The following COQ4 variants were observed in gnomAD, a reference collection of about 807,000 sequenced individuals.
COQ4 encodes ubiquinone biosynthesis protein COQ4 homolog, mitochondrial.
COQ4 carries 36 observed loss-of-function variants against 30.2 expected under a neutral mutation model. The ratio of observed to expected loss-of-function variants is 1.19; its 90% confidence interval spans 0.91 to 1.57. The LOEUF (loss-of-function observed/expected upper bound fraction) is 1.57. Ranked by LOEUF, COQ4 falls within the 40% of genes most tolerant of loss-of-function variation. The pLI is 0.00. For synonymous variants in COQ4, 197 were observed against 161.0 expected (o/e 1.22, Z -1.69); for missense variants, 369 against 371.9 (o/e 0.99, Z 0.07).
chr9:128,323,297 C>A, intron 2 of COQ4, 150 bp downstream of exon 2: 1 of 755,488 alleles, frequency 1.3e-6, no homozygotes, highest in Non-Finnish European at 2.0e-6. Flanking sequence ...CTGGATCCCA[C>A]CTAAACGCAC....
chr9:128,322,878 C>A lies in COQ4; in HGVS notation c.20C>A (p.Pro7His). Reference protein sequence around the residue: MATLLRPVLRRLCGLPG... With the variant: MATLLRHVLRRLCGLPG... ...GCTGCCATGGCGACTCTGCTGCGCCCTGTCCTCCGTCGGCTCTGCGGGCTC... is the reference window on the plus strand; with the variant it reads ...GCTGCCATGGCGACTCTGCTGCGCCATGTCCTCCGTCGGCTCTGCGGGCTC... Residue 7 changes from proline (P) to histidine (H), a missense_variant, in exon 1 of 7, where the codon CCT becomes CAT. Physicochemically the swap from Pro to His is moderately conservative, Grantham distance 77. Coordinates refer to ENST00000300452, the MANE Select transcript of COQ4 (RefSeq NM_016035.5). 1.9e-6 allele frequency: 3 copies of A among 1,584,020 alleles called. No individual in the cohort carries two copies. The highest frequency in any genetic ancestry group is 2.3e-5 in the East Asian group (1 of 43,614).
intron 4 of COQ4, 29 bp downstream of exon 4, chr9:128,325,910 A>G: frequency 6.3e-7 from 1 of 1,578,582 alleles, no homozygotes; most frequent in Non-Finnish European, 8.7e-7. Context: ...TGTATCTGGC[A>G]GTCACCAGAC....
At position 128,325,190 on chromosome 9, in the gene COQ4, G is replaced by A. The variant is rs781117602; in HGVS notation, c.250G>A (p.Val84Ile). The change falls in exon 3 of 7, where the codon GTC (valine) becomes ATC (isoleucine). Residue 84 changes from valine (V) to isoleucine (I), a missense_variant. By Grantham distance (29) the Val-to-Ile change is conservative. Coordinates refer to ENST00000300452, the MANE Select transcript of COQ4 (RefSeq NM_016035.5). ...GACCACAGGACACCGCACCCTGAAG[G>A]TCCTCAGGGACCAGATGAGGAGGGA... ...GETTGHRTLK[V>I]LRDQMRRDPE... is the part of the protein sequence containing the mutation. 8 of 1,614,042 alleles carry A rather than the reference G, an allele frequency of 5.0e-6. No homozygotes were observed. Among genetic ancestry groups the A allele is most frequent in the South Asian group, 1.1e-5 (1 of 91,084 alleles).
chr9:128,326,205 C>CA (rs1832318483), intron 4 of COQ4: 1 of 521,684 alleles, frequency 1.9e-6, no homozygotes, highest in African/African-American at 1.9e-5. Flanking sequence ...AACAGAGGCT[C>CA]AGAGCAGTGA....
At chr9:128,325,260 G>A in intron 3 of COQ4, 21 bp downstream of exon 3, 1 of 1,533,534 alleles carries the variant, frequency 6.5e-7, no homozygotes, top group Non-Finnish European at 9.0e-7. Context: ...GCTCTGCCTG[G>A]GGGTCTGGGG....
chr9:128,332,600 T>C (rs1233266839), intron 5 of COQ4: 1 of 586,358 alleles, frequency 1.7e-6, no homozygotes, highest in African/African-American at 1.9e-5. Context: ...TAGCCTGGCT[T>C]ATGGGGTCAT....
At chr9:128,333,412 C>G (rs1183066617) in intron 6 of COQ4, 62 bp from the exon 7 acceptor site, 13 of 1,399,242 alleles carry the variant, frequency 9.3e-6, no homozygotes, top group East Asian at 2.5e-5. Context: ...GCACAAGTGC[C>G]GAGCAGTCGA....
rs1479640220 is a variant in COQ4 at position 128,325,251 on chromosome 9, C to T, written c.299+12C>T. On this transcript the variant is annotated intron_variant, in intron 3 of 6. Transcript: ENST00000300452. ...GCCCAGATCCTGCAGTAGGTCCCAGCTCTGCCTGGGGGTCTGGGGGCATTC... is the reference window on the plus strand; with the variant it reads ...GCCCAGATCCTGCAGTAGGTCCCAGTTCTGCCTGGGGGTCTGGGGGCATTC... The T allele has an allele frequency of 1.3e-6, 2 of 1,588,034 alleles. No individual in the cohort carries two copies. Among genetic ancestry groups the T allele is most frequent in the East Asian group, 2.2e-5 (1 of 44,718 alleles).
rs200203275 is a variant in COQ4, at chr9:128,333,627, C to T, written c.780C>T (p.His260=). 7.4e-5 allele frequency: 116 copies of T among 1,574,608 alleles called. No individual in the cohort carries two copies. The highest frequency in any genetic ancestry group is 3.5e-4 in the East Asian group (15 of 43,172). Residue 260 remains histidine, a synonymous_variant, in exon 7 of 7, where the codon CAC becomes CAT. Transcript: ENST00000300452. ...TGGGCATTACAGCACCACCCATGCA[C>T]GTCCAGGGCTTGGCCTGAGCTCCTG... ...EELGITAPPM[H]VQGLA is the part of the protein sequence containing the mutation.
chr9:128,332,659 C>T (rs888590467), intron 5 of COQ4, 191 bp from the exon 6 acceptor site: 3 of 614,464 alleles, frequency 4.9e-6, no homozygotes, highest in African/African-American at 3.7e-5. Context: ...CCCCTACTCC[C>T]TTCTGTTCAC....
chr9:128,329,595 C>T (rs1020541648), intron 4 of COQ4, among the ~76,000 whole-genome samples: 43 of 152,292 alleles, frequency 2.8e-4, no homozygotes, highest in Admixed American at 2.7e-3. Flanking sequence ...GTCTCAAACT[C>T]CTGACCTCAA....
Position 128,323,060 on chromosome 9 carries a change from T to G in COQ4, c.115T>G (p.Ser39Ala), listed in dbSNP as rs1222487313. ...ARSDGAGPLY[S>A]HHLPTSPLQK... ...GAGCGACGGCGCCGGCCCGCTATAC[T>G]CGCACCACCTCCCCACCTCCCCGCT... The change falls in exon 2 of 7, where the codon TCG becomes GCG. Residue 39 changes from serine (S) to alanine (A), a missense_variant. Transcript: ENST00000300452. 1 of 1,612,102 alleles carries G rather than the reference T, an allele frequency of 6.2e-7. No homozygotes were observed. The highest frequency in any genetic ancestry group is 1.7e-5 in the Admixed American group (1 of 60,018).
chr9:128,324,748 C>CA (rs912289439), intron 2 of COQ4, among the ~76,000 whole-genome samples: 13 of 151,664 alleles, frequency 8.6e-5, no homozygotes, highest in African/African-American at 3.2e-4. Flanking sequence ...GACCCTGTCT[C>CA]AAAAAAACAA....
intron 4 of COQ4, among the ~76,000 whole-genome samples, chr9:128,326,682 A>T (rs1832327223): frequency 6.6e-6 from 1 of 151,974 alleles, no homozygotes; most frequent in Admixed American, 6.6e-5. Flanking sequence ...TGACCACGTG[A>T]TCCGCCCGCA....
rs746503078 is a variant in COQ4 at position 128,333,559 on chromosome 9, G to A, written c.712G>A (p.Glu238Lys). ...RAPCVLNLYY[E>K]RRWEQSLRAL... ...CCCATGTGTCCTCAACCTGTACTAT[G>A]AGCGGCGCTGGGAGCAGTCCCTGAG... Residue 238 changes from glutamate (E) to lysine (K), a missense_variant, in exon 7 of 7, where the codon GAG becomes AAG. Physicochemically the swap from Glu to Lys is moderately conservative, Grantham distance 56. Coordinates refer to ENST00000300452, the MANE Select transcript of COQ4 (RefSeq NM_016035.5). The A allele has an allele frequency of 3.7e-6, 6 of 1,611,124 alleles. No individual in the cohort carries two copies. The highest frequency in any genetic ancestry group is 4.5e-5 in the East Asian group (2 of 44,620).
At chr9:128,332,527 C>G in intron 5 of COQ4, 2 of 587,558 alleles carry the variant, frequency 3.4e-6, no homozygotes. Flanking sequence ...TAGGCTTTAG[C>G]TGCCTCCCTG....
chr9:128,326,355 G>A (rs1411407348), intron 4 of COQ4: 1 of 167,014 alleles, frequency 6.0e-6, no homozygotes, highest in East Asian at 1.8e-4. Flanking sequence ...GCACTCTCCA[G>A]CCCCTCCAGC....
At position 128,333,693 on chromosome 9, in the gene COQ4, C is replaced by G; in HGVS notation, c.*48C>G. On this transcript the variant is annotated 3_prime_UTR_variant, in exon 7 of 7. Transcript: ENST00000300452. ...GCCTACCTCCCCCATCCCCTGCTTC[C>G]CTTGGAGGCAGAGGGCTCCCTTGAC... The G allele has an allele frequency of 2.7e-6, 4 of 1,457,148 alleles. No individual in the cohort carries two copies. Among genetic ancestry groups the G allele is most frequent in the Non-Finnish European group, 2.7e-6 (3 of 1,105,128 alleles). The allele number at this position is 1,457,148 out of a possible 1,614,324, so 90.3% of individuals were successfully genotyped here.
Position 128,327,718 on chromosome 9 carries a change from C to T in COQ4, c.402+1837C>T, listed in dbSNP as rs1369164137. 3.3e-5 allele frequency among the ~76,000 whole-genome samples: 5 copies of T among 152,108 alleles called. No homozygotes were observed. The East Asian group carries it at 9.7e-4, about 29-fold the overall frequency. On this transcript the variant is annotated intron_variant, in intron 4 of 6. Coordinates refer to ENST00000300452, the MANE Select transcript of COQ4 (RefSeq NM_016035.5). Reference sequence around the variant, plus strand: ...GGGAGGGAGTTTGAGGTAGGAGGATCAGTTGAGCCCAGGAGGTCGAGGGCG... The same window carrying T: ...GGGAGGGAGTTTGAGGTAGGAGGATTAGTTGAGCCCAGGAGGTCGAGGGCG...
Sources: gnomAD v4.1 joint callset for allele counts (sites outside exome capture counted in the v4.1 genomes callset) on GRCh38, gnomAD v4.1.1 for gene constraint, MANE v1.5 for transcripts, NCBI Gene and HGNC (gene_info 2026-07-23, HGNC 2026-07-21) for gene names.